ATL1: variants seen among roughly 807,000 people sequenced by gnomAD.
The protein encoded by ATL1 is atlastin-1.
Under a neutral mutation model 75.5 loss-of-function variants are expected in ATL1, and 31 were observed. The ratio of observed to expected loss-of-function variants is 0.41; its 90% CI spans 0.31 to 0.55. ATL1 has a LOEUF of 0.55. ATL1 is among the 20% of genes least tolerant of loss of function. The pLI is 0.27. For missense variants in ATL1, 405 were observed against 662.6 expected, an observed-to-expected ratio of 0.61 and a Z score of 4.27; for synonymous variants, 226 against 233.3, an observed-to-expected ratio of 0.97 and a Z score of 0.28.
chr14:50,535,083 A>T (rs2140138331), intron 1 of ATL1, among the ~76,000 whole-genome samples: 1 of 152,344 alleles, frequency 6.6e-6, no homozygotes, highest in African/African-American at 2.4e-5. Flanking sequence ...ATTGTCATGC[A>T]TTCTTAGTAT....
chr14:50,605,710 ATTAT>A (rs1386355545), intron 6 of ATL1, among the ~76,000 whole-genome samples: 1 of 152,036 alleles, frequency 6.6e-6, no homozygotes, highest in African/African-American at 2.4e-5. Context: ...AAACAGCTGG[ATTAT>A]TTAAGTATTC....
Position 50,632,406 on chromosome 14 carries a change from G to GC in ATL1, c.*68dup. The stretch of plus-strand genomic sequence containing the variant: ...TAAATATTCAGTTTTATGTCTCCAT[G>GC]CAAACATTCAAAGTGCTTCCATCAG... On this transcript the variant is annotated 3_prime_UTR_variant, in exon 14 of 14. Transcript: ENST00000358385. 9.0e-7 allele frequency: 1 copy of GC among 1,109,184 alleles called. No homozygotes were observed. The highest frequency in any genetic ancestry group is 1.3e-5 in the South Asian group (1 of 76,764). The allele number at this position is 1,109,184 out of a possible 1,614,324, so 68.7% of individuals were successfully genotyped here.
At chr14:50,591,303 T>C (rs1267055495) in intron 3 of ATL1, among the ~76,000 whole-genome samples, 1 of 152,226 alleles carries the variant, frequency 6.6e-6, no homozygotes, top group Non-Finnish European at 1.5e-5. Flanking sequence ...CTGTATTTTG[T>C]TTCACTGCTA....
In ATL1 at chr14:50,560,339, C is replaced by T. The variant is rs372224898; in HGVS notation, c.34+40C>T. 4 of 1,609,020 alleles carry T rather than the reference C, an allele frequency of 2.5e-6. No individual in the cohort carries two copies. In the African/African-American group the frequency reaches 5.3e-5, roughly 22 times the overall value. On this transcript the variant is annotated intron_variant, in intron 1 of 13. Coordinates refer to ENST00000358385, the MANE Select transcript of ATL1 (RefSeq NM_015915.5). ...AGAACTTCTGCAGCCTGCACGGGGT[C>T]TTCTGGCCCTCCACTTTCTGCTTCT... is the stretch of plus-strand genomic sequence containing the variant.
rs565755366 is a variant in ATL1, at chr14:50,540,060, C to T, written c.-140+6693C>T. 5.5e-4 allele frequency among the ~76,000 whole-genome samples: 84 copies of T among 152,286 alleles called. 1 individual carries two copies. Among genetic ancestry groups the T allele is most frequent in the Non-Finnish European group, 8.7e-4 (59 of 68,028 alleles). ...CTCGAAAGATTCTTCTGTGGCTGCCCTCAGTGGATTAGAGATGATGATTGG... is the reference window on the plus strand; with the variant it reads ...CTCGAAAGATTCTTCTGTGGCTGCCTTCAGTGGATTAGAGATGATGATTGG... On this transcript the variant is annotated intron_variant, in intron 1 of 13. Transcript: ENST00000441560.
upstream of ATL1, among the ~76,000 whole-genome samples, chr14:50,558,204 A>G (rs2038787328): frequency 6.6e-6 from 1 of 152,170 alleles, no homozygotes; most frequent in South Asian, 2.1e-4. Flanking sequence ...GTCTCTACAT[A>G]CAAAAACAGC....
At chr14:50,593,279 T>G (rs1463739910) in intron 4 of ATL1, among the ~76,000 whole-genome samples, 1 of 152,120 alleles carries the variant, frequency 6.6e-6, no homozygotes, top group Non-Finnish European at 1.5e-5. Flanking sequence ...AGAGCATTCT[T>G]TTTATATCAG....
chr14:50,543,428 G>A (rs113360600), intron 1 of ATL1, among the ~76,000 whole-genome samples: 1 of 152,160 alleles, frequency 6.6e-6, no homozygotes, highest in African/African-American at 2.4e-5. Context: ...TTCCCTGCTT[G>A]GAAAGCTTCT....
At chr14:50,611,511 G>A (rs2039366067) in intron 6 of ATL1, among the ~76,000 whole-genome samples, 1 of 152,094 alleles carries the variant, frequency 6.6e-6, no homozygotes, top group South Asian at 2.1e-4. Flanking sequence ...GGAGTGGTAA[G>A]AGGAAATCTG....
upstream of ATL1, among the ~76,000 whole-genome samples, chr14:50,558,913 G>A (rs115090056): frequency 0.037 from 5,657 of 152,240 alleles, 100 homozygotes; most frequent in Middle Eastern, 0.058. Flanking sequence ...CAGTGTTCAC[G>A]ACTCTGCAGT....
At chr14:50,575,325 G>A (rs1179591149) in intron 1 of ATL1, among the ~76,000 whole-genome samples, 2 of 152,028 alleles carry the variant, frequency 1.3e-5, no homozygotes, top group Non-Finnish European at 2.9e-5. Flanking sequence ...TGCAGGATCT[G>A]CATTAATCCT....
intron 6 of ATL1, among the ~76,000 whole-genome samples, chr14:50,596,685 A>T (rs931283503): frequency 6.6e-6 from 1 of 152,234 alleles, no homozygotes. Context: ...TGCTCATTTT[A>T]AAAAGCATAT....
chr14:50,614,225 A>G (rs2039393244), intron 7 of ATL1, 148 bp from the exon 8 acceptor site: 2 of 893,836 alleles, frequency 2.2e-6, no homozygotes, highest in Non-Finnish European at 3.6e-6. Context: ...AAACCCACCC[A>G]AGACTTTCTT....
chr14:50,587,731 A>T, intron 1 of ATL1, 100 bp from the exon 2 acceptor site: 1 of 1,482,528 alleles, frequency 6.7e-7, no homozygotes, highest in Non-Finnish European at 9.4e-7. Flanking sequence ...TTATAATTCC[A>T]GTATGCTCCT....
intron 1 of ATL1, among the ~76,000 whole-genome samples, chr14:50,565,948 T>G (rs1207910220): frequency 1.3e-5 from 2 of 152,182 alleles, no homozygotes; most frequent in African/African-American, 4.8e-5. Flanking sequence ...TATCAATATT[T>G]TGTCACTCCT....
chr14:50,611,355 T>C (rs2039364547), intron 6 of ATL1, among the ~76,000 whole-genome samples: 1 of 152,138 alleles, frequency 6.6e-6, no homozygotes, highest in African/African-American at 2.4e-5. Context: ...TGGGAACACA[T>C]AGAAATAGTA....
intron 1 of ATL1, among the ~76,000 whole-genome samples, chr14:50,586,003 CATT>C (rs921088201): frequency 1.6e-4 from 25 of 152,140 alleles, no homozygotes; most frequent in African/African-American, 5.1e-4. Context: ...ATTTCAATAG[CATT>C]ATTTTATAGA....
chr14:50,613,186 T>A, intron 6 of ATL1, 73 bp from the exon 7 acceptor site: 1 of 1,062,560 alleles, frequency 9.4e-7, no homozygotes, highest in Non-Finnish European at 1.5e-6. Context: ...AGTGATATTA[T>A]AACTGGTTTC....
intron 1 of ATL1, among the ~76,000 whole-genome samples, chr14:50,535,936 G>A (rs537410850): frequency 3.3e-4 from 50 of 152,240 alleles, no homozygotes; most frequent in Non-Finnish European, 6.2e-4. Flanking sequence ...TAACTCTCAC[G>A]AGACCTGATG....
Sources: allele counts gnomAD v4.1 joint callset (sites outside exome capture counted in the v4.1 genomes callset), GRCh38; gene constraint gnomAD v4.1.1; transcripts MANE v1.5; gene names NCBI Gene and HGNC (gene_info 2026-07-23, HGNC 2026-07-21).